The following SLC8A1 variants were observed in gnomAD, a reference collection of about 807,000 sequenced individuals.
SLC8A1 encodes solute carrier family 8 member A1, also known as sodium/calcium exchanger 1.
SLC8A1 carries 18 observed loss-of-function variants against 68.3 expected under a neutral mutation model. That is an observed-to-expected ratio of 0.26 (90% CI 0.18 to 0.39). The LOEUF (loss-of-function observed/expected upper bound fraction) is 0.39. Ranked by LOEUF, SLC8A1 falls within the 10% of genes least tolerant of loss-of-function variation. The pLI is 1.00. For missense variants in SLC8A1, 985 were observed against 1,156.7 expected, an observed-to-expected ratio of 0.85 and a Z score of 2.15; for synonymous variants, 475 against 415.5, an observed-to-expected ratio of 1.14 and a Z score of -1.74.
intron 2 of SLC8A1, among the ~76,000 whole-genome samples, chr2:40,365,834 C>T (rs940246412): frequency 3.3e-5 from 5 of 151,692 alleles, no homozygotes; most frequent in African/African-American, 1.2e-4. Context: ...GATCTCACCT[C>T]TACAAAAAAT....
At chr2:40,337,185 A>T (rs1666238972) in intron 2 of SLC8A1, 2 of 221,926 alleles carry the variant, frequency 9.0e-6, no homozygotes, top group Non-Finnish European at 2.0e-5. Context: ...CAAAAATGTC[A>T]AACACATTTT....
At chr2:40,418,642 ATGC>A (rs1231705930) in intron 2 of SLC8A1, among the ~76,000 whole-genome samples, 2 of 152,236 alleles carry the variant, frequency 1.3e-5, no homozygotes, top group Non-Finnish European at 2.9e-5. Context: ...TGAGTAACAC[ATGC>A]TTCCCCTAGT....
exon 8 of SLC8A1, chr2:40,103,698 C>G (rs1427250705): frequency 5.3e-5 from 8 of 152,150 alleles, no homozygotes; most frequent in African/African-American, 1.7e-4. Context: ...GGAATCCATT[C>G]CAATCTCATT....
intron 2 of SLC8A1, among the ~76,000 whole-genome samples, chr2:40,211,619 A>C (rs528263176): frequency 6.6e-6 from 1 of 152,338 alleles, no homozygotes; most frequent in East Asian, 1.9e-4. Flanking sequence ...GCAGAGCAGC[A>C]GACCCTGTGA....
At chr2:40,344,860 G>T (rs1169482390) in intron 2 of SLC8A1, among the ~76,000 whole-genome samples, 1 of 152,082 alleles carries the variant, frequency 6.6e-6, no homozygotes, top group African/African-American at 2.4e-5. Flanking sequence ...ATTCAGCATG[G>T]TAATCACATG....
intron 2 of SLC8A1, among the ~76,000 whole-genome samples, chr2:40,238,887 T>G (rs920586777): frequency 2.6e-5 from 4 of 152,144 alleles, no homozygotes; most frequent in Admixed American, 2.0e-4. Context: ...TGCAGTGAAA[T>G]TTACCTTTAC....
chr2:40,507,313 G>A (rs2149943143), intron 1 of SLC8A1, among the ~76,000 whole-genome samples: 1 of 152,006 alleles, frequency 6.6e-6, no homozygotes, highest in East Asian at 1.9e-4. Context: ...TAGGCAGGGA[G>A]ACTACAAGGA....
rs183689564 is a variant in SLC8A1 at position 40,159,563 on chromosome 2, A to T, written c.2161+1202T>A. On this transcript the variant is annotated intron_variant, in intron 6 of 7. Coordinates refer to ENST00000406785, the Ensembl canonical transcript of SLC8A1. ...TTATTCTAGAAATTTTTGTCTGCTT[A>T]GTTGTGTCTGTGAAGAGGGAGTATA... Among the ~76,000 whole-genome samples the T allele has an allele frequency of 2.5e-3, 385 of 152,276 alleles. 1 individual carries two copies. Among genetic ancestry groups the T allele is most frequent in the African/African-American group, 8.4e-3 (351 of 41,556 alleles).
chr2:40,223,897 T>C (rs2058658490), intron 2 of SLC8A1: 1 of 151,936 alleles, frequency 6.6e-6, no homozygotes, highest in South Asian at 2.1e-4. Context: ...ATAGGAGAAG[T>C]TGGAGAGGAT....
At chr2:40,113,432 A>T (rs2034820092) in exon 8 of SLC8A1, 1 of 152,756 alleles carries the variant, frequency 6.5e-6, no homozygotes, top group Admixed American at 6.5e-5. Flanking sequence ...ACATAGAAAC[A>T]GCTATTCTTT....
intron 2 of SLC8A1, among the ~76,000 whole-genome samples, chr2:40,403,153 A>C (rs1440738337): frequency 6.6e-6 from 1 of 152,238 alleles, no homozygotes; most frequent in African/African-American, 2.4e-5. Context: ...ATCCTCATTG[A>C]ATATGAAACA....
chr2:40,511,218 T>C (rs993027270), intron 1 of SLC8A1, among the ~76,000 whole-genome samples: 2 of 152,212 alleles, frequency 1.3e-5, no homozygotes, highest in Admixed American at 6.5e-5. Flanking sequence ...TCAAATCTTA[T>C]TTGAATTATG....
intron 2 of SLC8A1, among the ~76,000 whole-genome samples, chr2:40,362,280 G>C (rs1253906383): frequency 6.7e-6 from 1 of 149,358 alleles, no homozygotes; most frequent in Non-Finnish European, 1.5e-5. Flanking sequence ...AATGGAAAAA[G>C]AAAAAAAGAA....
At chr2:40,319,560 A>G (rs2074930768) in intron 2 of SLC8A1, among the ~76,000 whole-genome samples, 1 of 152,092 alleles carries the variant, frequency 6.6e-6, no homozygotes, top group African/African-American at 2.4e-5. Context: ...ACAAATGATT[A>G]AGTGAATGAA....
intron 4 of SLC8A1, among the ~76,000 whole-genome samples, chr2:40,165,219 C>T (rs2046345243): frequency 6.6e-6 from 1 of 152,146 alleles, no homozygotes; most frequent in Admixed American, 6.5e-5. Flanking sequence ...TGCAAAAGTT[C>T]AGTTGAGGAA....
intron 1 of SLC8A1, among the ~76,000 whole-genome samples, chr2:40,436,790 G>A (rs1699506528): frequency 1.3e-5 from 2 of 152,088 alleles, no homozygotes; most frequent in African/African-American, 4.8e-5. Context: ...AAGAAAGCTG[G>A]AGAAGAGAGA....
intron 1 of SLC8A1, among the ~76,000 whole-genome samples, chr2:40,496,402 G>T (rs904447645): frequency 6.6e-6 from 1 of 152,192 alleles, no homozygotes; most frequent in African/African-American, 2.4e-5. Flanking sequence ...TGTATGGCAC[G>T]TATTTCAAAC....
intron 1 of SLC8A1, among the ~76,000 whole-genome samples, chr2:40,451,025 G>A (rs1453779845): frequency 6.6e-6 from 1 of 152,220 alleles, no homozygotes; most frequent in East Asian, 1.9e-4. Context: ...AAGAATCAAG[G>A]ATGCACACGT....
intron 2 of SLC8A1, among the ~76,000 whole-genome samples, chr2:40,349,012 T>C (rs1670235164): frequency 6.6e-6 from 1 of 152,192 alleles, no homozygotes; most frequent in African/African-American, 2.4e-5. Flanking sequence ...ATGTGGCTCT[T>C]CTTCTCCCAC....
Sources: gnomAD v4.1 joint callset for allele counts (sites outside exome capture counted in the v4.1 genomes callset) on GRCh38, gnomAD v4.1.1 for gene constraint, MANE v1.5 for transcripts, NCBI Gene and HGNC (gene_info 2026-07-23, HGNC 2026-07-21) for gene names.